The following SLC1A1 variants were observed in gnomAD, a reference collection of about 807,000 sequenced individuals.
SLC1A1 encodes the protein excitatory amino acid transporter 3.
Under a neutral mutation model 53.3 loss-of-function variants are expected in SLC1A1, and 43 were observed. That is an observed-to-expected ratio of 0.81 (90% CI 0.63 to 1.04). The LOEUF is 1.04. SLC1A1 is among the 50% of genes least tolerant of loss of function. SLC1A1 has a pLI of 0.00. For missense variants in SLC1A1, 748 were observed against 664.9 expected, an observed-to-expected ratio of 1.12 and a Z score of -1.37; for synonymous variants, 307 against 243.2, an observed-to-expected ratio of 1.26 and a Z score of -2.44.
intron 1 of SLC1A1, among the ~76,000 whole-genome samples, chr9:4,527,683 G>A (rs898032718): frequency 6.6e-6 from 1 of 152,052 alleles, no homozygotes; most frequent in Non-Finnish European, 1.5e-5. Flanking sequence ...AAAAATGGCA[G>A]CACCTATCCA....
At position 4,536,592 on chromosome 9, in the gene SLC1A1, G is replaced by A. The variant is rs558666964; in HGVS notation, c.92-7975G>A. ...AAACAGGAACACTTTTACACTGTTG[G>A]TGGGACTGTAAACCAGTTCAACCAT... is the stretch of plus-strand genomic sequence containing the variant. On this transcript the variant is annotated intron_variant, in intron 1 of 11. Transcript: ENST00000262352. Among the ~76,000 whole-genome samples the A allele has an allele frequency of 3.4e-3, 525 of 152,316 alleles. 1 individual carries two copies. Among genetic ancestry groups the A allele is most frequent in the South Asian group, 8.9e-3 (43 of 4,826 alleles).
chr9:4,538,373 T>C (rs1315354682), intron 1 of SLC1A1, among the ~76,000 whole-genome samples: 1 of 152,234 alleles, frequency 6.6e-6, no homozygotes, highest in African/African-American at 2.4e-5. Flanking sequence ...CTGATTAGCC[T>C]TTCCAAAGGA....
At chr9:4,564,242 A>G (rs1300297269) in intron 3 of SLC1A1, 102 bp from the exon 4 acceptor site, 10 of 818,928 alleles carry the variant, frequency 1.2e-5, no homozygotes, top group Non-Finnish European at 2.1e-5. Flanking sequence ...TCCCCATCAC[A>G]CTATTGCCTG....
chr9:4,523,047 T>C (rs956298909), intron 1 of SLC1A1, among the ~76,000 whole-genome samples: 8 of 152,164 alleles, frequency 5.3e-5, no homozygotes, highest in African/African-American at 1.9e-4. Flanking sequence ...TAGGTACCTA[T>C]TTGTGTTTAC....
chr9:4,505,526 G>T (rs892361536), intron 1 of SLC1A1, among the ~76,000 whole-genome samples: 1 of 152,222 alleles, frequency 6.6e-6, no homozygotes, highest in African/African-American at 2.4e-5. Flanking sequence ...ATCTGAGGAT[G>T]TTTCTCAATT....
At chr9:4,524,750 G>C (rs890259798) in intron 1 of SLC1A1, among the ~76,000 whole-genome samples, 3 of 152,140 alleles carry the variant, frequency 2.0e-5, no homozygotes, top group East Asian at 1.9e-4. Flanking sequence ...AAATATGGTA[G>C]AGAAGATCAA....
chr9:4,578,714 C>G (rs1820790603), intron 10 of SLC1A1, among the ~76,000 whole-genome samples: 1 of 152,188 alleles, frequency 6.6e-6, no homozygotes, highest in Non-Finnish European at 1.5e-5. Context: ...TGGATTTTGC[C>G]AGATTTGTTT....
chr9:4,490,627 CGCCCAGCCCACGCGCGCACGGCCGA>C lies in SLC1A1; in HGVS notation c.-45_-21del, dbSNP rs1278577272. ...GCCGAGCAGCCAGCAGTCCCCGGGT[CGCCCAGCCCACGCGCGCACGGCCGA>C]GCCCAGCGCACAATAGCGGCGACAG... On this transcript the variant is annotated 5_prime_UTR_variant, in exon 1 of 12. Transcript: ENST00000262352. 2.7e-6 allele frequency: 4 copies of C among 1,470,260 alleles called. No homozygotes were observed. Among genetic ancestry groups the C allele is most frequent in the Non-Finnish European group, 3.8e-6 (4 of 1,057,512 alleles). The allele number at this position is 1,470,260 out of a possible 1,614,324, so 91.1% of individuals were successfully genotyped here. A position where few individuals can be genotyped will look rare whatever the true frequency, so the allele number is the denominator to read the frequency against.
chr9:4,506,522 T>C (rs542661363), intron 1 of SLC1A1, among the ~76,000 whole-genome samples: 1 of 152,244 alleles, frequency 6.6e-6, no homozygotes, highest in Admixed American at 6.5e-5. Context: ...AACATCTGCA[T>C]TGAATATTGG....
At chr9:4,545,034 T>G (rs967079128) in intron 2 of SLC1A1, among the ~76,000 whole-genome samples, 4 of 152,278 alleles carry the variant, frequency 2.6e-5, no homozygotes, top group African/African-American at 7.2e-5. Context: ...CCACCTGGTC[T>G]CTCCCTTGAC....
intron 1 of SLC1A1, among the ~76,000 whole-genome samples, chr9:4,505,422 G>C (rs898820836): frequency 5.3e-5 from 8 of 152,052 alleles, no homozygotes; most frequent in Non-Finnish European, 8.8e-5. Context: ...AGAACAGTTT[G>C]TCCTGACCAC....
intron 6 of SLC1A1, among the ~76,000 whole-genome samples, chr9:4,569,588 A>G (rs1819831079): frequency 2.6e-5 from 4 of 152,228 alleles, no homozygotes; most frequent in Admixed American, 2.6e-4. Context: ...TCACACAGGA[A>G]GGAATGATTT....
rs1820310073 is a variant in SLC1A1 at position 4,493,512 on chromosome 9, T to C, written c.91+2742T>C. On this transcript the variant is annotated intron_variant, in intron 1 of 11. Coordinates refer to ENST00000262352, the MANE Select transcript of SLC1A1 (RefSeq NM_004170.6). ...AAGAGCTCTAATGCAGCCTCCCTTT[T>C]GGACTTTTCAGCATGTGGAACTTAA... Among the ~76,000 whole-genome samples, 2 of 152,232 alleles carry C rather than the reference T, an allele frequency of 1.3e-5. 1 individual carries two copies. Among genetic ancestry groups the C allele is most frequent in the Admixed American group, 1.3e-4 (2 of 15,274 alleles).
Position 4,549,105 on chromosome 9 carries a change from TG to T in SLC1A1, c.232+4400del, listed in dbSNP as rs1457555675. On this transcript the variant is annotated intron_variant, in intron 2 of 11. Coordinates refer to ENST00000262352, the MANE Select transcript of SLC1A1 (RefSeq NM_004170.6). This position sits in a 1 kb window ranked among gnomAD's most constrained non-coding sequence, Gnocchi z 4.1. ...CTTCCCAAAATTAAACTATGATGAT[TG>T]GAGCCTCCTATGACCAACACAGGGA... Among the ~76,000 whole-genome samples the T allele has an allele frequency of 6.6e-6, 1 of 152,226 alleles. No homozygotes were observed. The highest frequency in any genetic ancestry group is 1.5e-5 in the Non-Finnish European group (1 of 68,036).
Position 4,490,560 on chromosome 9 carries a change from C to G in SLC1A1, c.-120C>G, listed in dbSNP as rs1820192759. The G allele has an allele frequency of 3.1e-6, 2 of 644,758 alleles. No homozygotes were observed. Among genetic ancestry groups the G allele is most frequent in the Admixed American group, 3.4e-5 (1 of 29,362 alleles). 39.9% of individuals were successfully genotyped at this position (644,758 alleles called of 1,614,324 possible). A position where few individuals can be genotyped will look rare whatever the true frequency, so the allele number is the denominator to read the frequency against. On this transcript the variant is annotated 5_prime_UTR_variant, in exon 1 of 12. Transcript: ENST00000262352. ...TGGTGACGGCGGCGACTGCAGCGGCCGGCTCTCACCTCTCCCCTGTGCACC... is the reference window on the plus strand; with the variant it reads ...TGGTGACGGCGGCGACTGCAGCGGCGGGCTCTCACCTCTCCCCTGTGCACC...
intron 1 of SLC1A1, among the ~76,000 whole-genome samples, chr9:4,532,147 G>A (rs556928815): frequency 1.2e-4 from 18 of 152,248 alleles, no homozygotes; most frequent in Admixed American, 6.5e-4. Context: ...AAATCAGAGC[G>A]CCTCTCCTCC....
chr9:4,567,179 C>A (rs750731485), intron 5 of SLC1A1, among the ~76,000 whole-genome samples: 19 of 152,186 alleles, frequency 1.2e-4, no homozygotes, highest in Non-Finnish European at 2.1e-4. Flanking sequence ...ACTGAATAGC[C>A]CCAAGGGGAC....
intron 6 of SLC1A1, among the ~76,000 whole-genome samples, chr9:4,568,234 A>T (rs1586820293): frequency 6.6e-6 from 1 of 151,994 alleles, no homozygotes; most frequent in East Asian, 1.9e-4. Context: ...AGTCTGCGCA[A>T]CATAGTGACA....
intron 1 of SLC1A1, among the ~76,000 whole-genome samples, chr9:4,538,395 A>G (rs931436096): frequency 6.6e-6 from 1 of 152,264 alleles, no homozygotes; most frequent in Non-Finnish European, 1.5e-5. Flanking sequence ...GCAATGAGAT[A>G]TAAAATTATC....
Sources: gnomAD v4.1 joint callset for allele counts (sites outside exome capture counted in the v4.1 genomes callset) on GRCh38, gnomAD v4.1.1 for gene constraint, Gnocchi (gnomAD v3.1) non-coding constraint, MANE v1.5 for transcripts, NCBI Gene and HGNC (gene_info 2026-07-23, HGNC 2026-07-21) for gene names.